AGPS: variants seen among roughly 807,000 people sequenced by gnomAD.
AGPS encodes the protein alkyldihydroxyacetonephosphate synthase, peroxisomal.
In AGPS, 26 loss-of-function variants were observed where a neutral mutation model predicts 90.7. The observed-to-expected ratio is 0.29, with a 90% CI of 0.21 to 0.40. AGPS has a LOEUF of 0.40. AGPS is among the 10% of genes least tolerant of loss of function. AGPS has a pLI of 1.00. For missense variants in AGPS, 540 were observed against 816.1 expected (o/e 0.66, Z 4.12); for synonymous variants, 294 against 285.3 (o/e 1.03, Z -0.31).
Position 177,407,399 on chromosome 2 carries a change from C to G in AGPS, c.261-12870C>G, listed in dbSNP as rs192008712. Among the ~76,000 whole-genome samples, 24 of 152,266 alleles carry G rather than the reference C, an allele frequency of 1.6e-4. No homozygotes were observed. The East Asian group carries it at 4.4e-3, about 28-fold the overall frequency. On this transcript the variant is annotated intron_variant, in intron 1 of 19. Transcript: ENST00000264167. ...TTAATTCACGGTTCTGCAGGCTGTTCAGAAAACATAACTCTGGCATCAGCT... is the reference window on the plus strand; with the variant it reads ...TTAATTCACGGTTCTGCAGGCTGTTGAGAAAACATAACTCTGGCATCAGCT...
At chr2:177,472,164 T>C (rs894812452) in intron 10 of AGPS, among the ~76,000 whole-genome samples, 1 of 151,862 alleles carries the variant, frequency 6.6e-6, no homozygotes, top group Non-Finnish European at 1.5e-5. Context: ...ACATTGATTA[T>C]ACGTATGTTT....
At chr2:177,492,327 AAAG>A (rs1332830840) in intron 11 of AGPS, among the ~76,000 whole-genome samples, 2 of 152,212 alleles carry the variant, frequency 1.3e-5, no homozygotes, top group Non-Finnish European at 2.9e-5. Context: ...CTTATGAAGA[AAAG>A]AAATTTGGTC....
At chr2:177,445,990 C>T (rs899949387) in intron 8 of AGPS, among the ~76,000 whole-genome samples, 7 of 152,128 alleles carry the variant, frequency 4.6e-5, no homozygotes, top group Non-Finnish European at 7.4e-5. Flanking sequence ...GAAGGTATCA[C>T]ATAGAACCTG....
At chr2:177,395,970 C>T (rs1230624932) in intron 1 of AGPS, among the ~76,000 whole-genome samples, 1 of 150,318 alleles carries the variant, frequency 6.7e-6, no homozygotes, top group Non-Finnish European at 1.5e-5. Flanking sequence ...AGTCTTCAGC[C>T]TCAAAGAGTT....
Position 177,441,028 on chromosome 2 carries a change from C to G in AGPS, c.701C>G (p.Pro234Arg). Residue 234 changes from proline to arginine, a missense_variant, in exon 6 of 20, where the codon CCA becomes CGA. Physicochemically the swap from Pro to Arg is moderately radical, Grantham distance 103 (BLOSUM62 -2). Coordinates refer to ENST00000264167, the MANE Select transcript of AGPS (RefSeq NM_003659.4). The stretch of plus-strand genomic sequence containing the variant: ...TGCAAATATAATCTTTGTATCATAC[C>G]AATTGGTGGTAGGTATTGTGCCTTT... ...LACKYNLCIIPIGGGTSVSYG... is the reference protein window; with the variant it reads ...LACKYNLCIIRIGGGTSVSYG... The G allele has an allele frequency of 6.2e-7, 1 of 1,609,798 alleles. No homozygotes were observed. Among genetic ancestry groups the G allele is most frequent in the Non-Finnish European group, 8.5e-7 (1 of 1,176,782 alleles).
chr2:177,506,597 C>T (rs1355092065), intron 15 of AGPS, among the ~76,000 whole-genome samples: 1 of 151,594 alleles, frequency 6.6e-6, no homozygotes, highest in African/African-American at 2.4e-5. Flanking sequence ...AAATTTAATC[C>T]CAGCTAAAAT....
intron 19 of AGPS, among the ~76,000 whole-genome samples, chr2:177,533,396 C>T (rs1047510656): frequency 2.6e-5 from 4 of 152,080 alleles, no homozygotes; most frequent in Admixed American, 6.6e-5. Context: ...ACCATCCCCC[C>T]ACCCCTGTGT....
chr2:177,407,641 C>T (rs966668132), intron 1 of AGPS, among the ~76,000 whole-genome samples: 1 of 152,100 alleles, frequency 6.6e-6, no homozygotes, highest in Non-Finnish European at 1.5e-5. Flanking sequence ...TCCCACCAGG[C>T]CCTACCTCCA....
chr2:177,521,584 A>C (rs892057382), intron 18 of AGPS, among the ~76,000 whole-genome samples: 1 of 152,220 alleles, frequency 6.6e-6, no homozygotes, highest in South Asian at 2.1e-4. Context: ...GTGATTCTTC[A>C]GTTGTTACAG....
At chr2:177,536,476 T>G (rs576600930) in intron 19 of AGPS, among the ~76,000 whole-genome samples, 1 of 152,192 alleles carries the variant, frequency 6.6e-6, no homozygotes, top group South Asian at 2.1e-4. Context: ...TAAAAAGTGC[T>G]TAAAATCATA....
intron 16 of AGPS, among the ~76,000 whole-genome samples, chr2:177,508,266 TG>T (rs777539321): frequency 3.0e-4 from 45 of 152,294 alleles, no homozygotes; most frequent in Admixed American, 2.0e-3. Flanking sequence ...AAGGTATTGT[TG>T]AAGTTTACAT....
At chr2:177,442,050 C>CT (rs1235972389) in intron 6 of AGPS, among the ~76,000 whole-genome samples, 1 of 152,058 alleles carries the variant, frequency 6.6e-6, no homozygotes, top group Non-Finnish European at 1.5e-5. Flanking sequence ...TAGGATGGGT[C>CT]TTTTTTTCTT....
chr2:177,396,653 C>T lies in AGPS; in HGVS notation c.260+3604C>T, dbSNP rs544450398. Among the ~76,000 whole-genome samples, 113 of 151,786 alleles carry T rather than the reference C, an allele frequency of 7.4e-4. 1 individual carries two copies. In the South Asian group the frequency reaches 0.011, roughly 15 times the overall value. On this transcript the variant is annotated intron_variant, in intron 1 of 19. Transcript: ENST00000264167. Reference sequence around the variant, plus strand: ...GAGGAGGCTGTTGTAACACAATAGGCGAGAAATAATGAAGAATTAAACTAA... The same window carrying T: ...GAGGAGGCTGTTGTAACACAATAGGTGAGAAATAATGAAGAATTAAACTAA...
chr2:177,488,424 G>A (rs1688159212), intron 11 of AGPS, among the ~76,000 whole-genome samples: 1 of 152,026 alleles, frequency 6.6e-6, no homozygotes, highest in African/African-American at 2.4e-5. Flanking sequence ...CACCGTGTTA[G>A]CCAGGATTGT....
intron 10 of AGPS, among the ~76,000 whole-genome samples, chr2:177,476,437 T>C (rs901258337): frequency 1.3e-5 from 2 of 152,158 alleles, no homozygotes; most frequent in African/African-American, 4.8e-5. Flanking sequence ...GATTATTTAG[T>C]AGTGTATTGT....
intron 10 of AGPS, among the ~76,000 whole-genome samples, chr2:177,480,681 C>T (rs1409150304): frequency 6.6e-6 from 1 of 151,890 alleles, no homozygotes; most frequent in Non-Finnish European, 1.5e-5. Flanking sequence ...ACATATATAA[C>T]AAACCTGCAC....
At chr2:177,428,145 C>T (rs999625869) in intron 2 of AGPS, among the ~76,000 whole-genome samples, 6 of 152,050 alleles carry the variant, frequency 3.9e-5, no homozygotes, top group South Asian at 2.1e-4. Context: ...ACTAGGATTG[C>T]GACACCTGCT....
intron 19 of AGPS, among the ~76,000 whole-genome samples, chr2:177,526,166 T>G (rs1162471945): frequency 6.6e-6 from 1 of 152,044 alleles, no homozygotes. Flanking sequence ...AAATGTTAAT[T>G]TATAAGATCA....
At chr2:177,428,444 T>C (rs1371246987) in intron 2 of AGPS, among the ~76,000 whole-genome samples, 1 of 152,216 alleles carries the variant, frequency 6.6e-6, no homozygotes, top group Non-Finnish European at 1.5e-5. Context: ...AGTGTGTTTT[T>C]ATAGTGGCTG....
Sources: gnomAD v4.1 joint callset for allele counts (sites outside exome capture counted in the v4.1 genomes callset) on GRCh38, gnomAD v4.1.1 for gene constraint, MANE v1.5 for transcripts, NCBI Gene and HGNC (gene_info 2026-07-23, HGNC 2026-07-21) for gene names.